The following KLRF2 variants were observed in gnomAD, a reference collection of about 807,000 sequenced individuals.
KLRF2 encodes killer cell lectin like receptor F2, also known as killer cell lectin-like receptor subfamily F member 2.
KLRF2 carries 28 observed loss-of-function variants against 25.3 expected under a neutral mutation model. The observed-to-expected ratio is 1.11, with a 90% CI of 0.82 to 1.52. KLRF2 has a LOEUF of 1.52. KLRF2 is among the 40% of genes most tolerant of loss of function. The probability of loss-of-function intolerance (pLI) is 0.00; values close to 1 mark genes in which losing one functional copy is unlikely to be tolerated. For synonymous variants in KLRF2, 73 were observed against 85.0 expected (o/e 0.86, Z 0.78); for missense variants, 265 against 245.8 (o/e 1.08, Z -0.52).
intron 3 of KLRF2, among the ~76,000 whole-genome samples, chr12:9,889,792 G>A (rs1188260165): frequency 2.0e-5 from 3 of 151,766 alleles, no homozygotes; most frequent in Non-Finnish European, 4.4e-5. Context: ...TAAGAACATA[G>A]GCTATAGAAC....
chr12:9,885,407 T>A (rs540982144), intron 2 of KLRF2, among the ~76,000 whole-genome samples: 1 of 151,942 alleles, frequency 6.6e-6, no homozygotes, highest in East Asian at 1.9e-4. Flanking sequence ...CTTCCTGAAG[T>A]GGTACTTATA....
At chr12:9,892,632 T>G (rs1428870162) in intron 3 of KLRF2, among the ~76,000 whole-genome samples, 1 of 144,108 alleles carries the variant, frequency 6.9e-6, no homozygotes, top group Non-Finnish European at 1.5e-5. Flanking sequence ...TTGCCCAGGC[T>G]GGAGTGTAAT....
intron 3 of KLRF2, 62 bp downstream of exon 3, chr12:9,888,842 C>G (rs933641904): frequency 3.0e-6 from 3 of 996,390 alleles, no homozygotes; most frequent in Admixed American, 2.0e-5. Context: ...TGGCTTCCCT[C>G]TTCCTGGCGT....
chr12:9,891,524 T>C (rs1248877583), intron 3 of KLRF2, among the ~76,000 whole-genome samples: 1 of 152,214 alleles, frequency 6.6e-6, no homozygotes, highest in East Asian at 1.9e-4. Context: ...TTCATCCAAG[T>C]GGCACATTCT....
At chr12:9,894,188 TTTC>T (rs1862727200) in intron 5 of KLRF2, among the ~76,000 whole-genome samples, 1 of 151,028 alleles carries the variant, frequency 6.6e-6, no homozygotes, top group Non-Finnish European at 1.5e-5. Flanking sequence ...TCTTTCTTTC[TTTC>T]TTTTTTTTTC....
At chr12:9,887,195 C>T (rs1040749136) in intron 2 of KLRF2, among the ~76,000 whole-genome samples, 5 of 151,408 alleles carry the variant, frequency 3.3e-5, no homozygotes, top group African/African-American at 1.2e-4. Flanking sequence ...AAAGCAAAAC[C>T]AAAAAACATG....
intron 3 of KLRF2, among the ~76,000 whole-genome samples, chr12:9,892,580 CTT>C (rs66824753): frequency 5.2e-4 from 54 of 104,822 alleles, no homozygotes; most frequent in African/African-American, 1.1e-3. Context: ...TACAGAACTG[CTT>C]TTTTTTTTTT....
intron 3 of KLRF2, among the ~76,000 whole-genome samples, chr12:9,890,055 A>T (rs551043610): frequency 6.6e-6 from 1 of 152,248 alleles, no homozygotes; most frequent in East Asian, 1.9e-4. Flanking sequence ...TACATAATCA[A>T]TATTTTCCAT....
At chr12:9,888,895 G>C in intron 3 of KLRF2, 115 bp downstream of exon 3, 1 of 554,338 alleles carries the variant, frequency 1.8e-6, no homozygotes, top group East Asian at 2.9e-5. Flanking sequence ...GGTGGAGAAA[G>C]GTATGGGGCT....
chr12:9,884,844 A>G, intron 1 of KLRF2, 90 bp from the exon 2 acceptor site: 1 of 428,804 alleles, frequency 2.3e-6, no homozygotes, highest in South Asian at 5.2e-5. Context: ...CATATCTAAA[A>G]TGAACATGAG....
intron 2 of KLRF2, among the ~76,000 whole-genome samples, chr12:9,887,159 G>T (rs1862608132): frequency 6.6e-6 from 1 of 152,130 alleles, no homozygotes; most frequent in South Asian, 2.1e-4. Context: ...AATGAAAAAA[G>T]TAATATAAAC....
At chr12:9,884,880 G>A (rs1241730323) in intron 1 of KLRF2, 54 bp from the exon 2 acceptor site, 1 of 569,528 alleles carries the variant, frequency 1.8e-6, no homozygotes, top group Non-Finnish European at 2.8e-6. Flanking sequence ...AAATGAAACA[G>A]AAAAATATTT....
chr12:9,895,712 A>G lies in KLRF2; in HGVS notation c.503A>G (p.Asp168Gly). The G allele has an allele frequency of 2.0e-6, 3 of 1,534,460 alleles. No homozygotes were observed. Among genetic ancestry groups the G allele is most frequent in the Non-Finnish European group, 2.6e-6 (3 of 1,146,342 alleles). Residue 168 changes from aspartate to glycine, a missense_variant, in exon 6 of 6, where the codon GAT becomes GGT. Asp to Gly is a moderately conservative substitution (Grantham distance 94). Coordinates refer to ENST00000535540, the MANE Select transcript of KLRF2 (RefSeq NM_001190765.1). ...PELFSVIGPT[D>G]DRSCAVITGN... ...AGGTTTTCAGTGATTGGACCAACTG[A>G]TGACAGGAGCTGTGCCGTTATCACA...
chr12:9,891,352 G>T (rs990774893), intron 3 of KLRF2, among the ~76,000 whole-genome samples: 1 of 152,116 alleles, frequency 6.6e-6, no homozygotes, highest in African/African-American at 2.4e-5. Context: ...ACTTAAATCT[G>T]AGTTACCTAC....
chr12:9,886,939 C>T (rs1360167680), intron 2 of KLRF2, among the ~76,000 whole-genome samples: 1 of 151,832 alleles, frequency 6.6e-6, no homozygotes, highest in Non-Finnish European at 1.5e-5. Context: ...CATAGCTTGG[C>T]TATTTCTTGT....
intron 5 of KLRF2, among the ~76,000 whole-genome samples, chr12:9,894,956 A>G (rs1274650934): frequency 6.6e-6 from 1 of 152,178 alleles, no homozygotes; most frequent in Non-Finnish European, 1.5e-5. Flanking sequence ...AACAACACAC[A>G]TGCAGGTGGT....
chr12:9,893,596 T>A (rs1012848103), intron 5 of KLRF2, 55 bp downstream of exon 5: 3 of 610,588 alleles, frequency 4.9e-6, no homozygotes, highest in Non-Finnish European at 8.0e-6. Context: ...TATTTTTATA[T>A]TAAACTTCTT....
chr12:9,893,479 A>G lies in KLRF2; in HGVS notation c.417A>G (p.Leu139=). The G allele has an allele frequency of 2.0e-6, 3 of 1,522,950 alleles. No homozygotes were observed. Among genetic ancestry groups the G allele is most frequent in the Non-Finnish European group, 2.6e-6 (3 of 1,135,732 alleles). 94.3% of individuals were successfully genotyped at this position (1,522,950 alleles called of 1,614,324 possible). ...CTGGACATTTTGGTTGGATTGGACT[A>G]TATGTTACATTCCAAGGGAACCTAT... ...LKPGHFGWIG[L]YVTFQGNLWM... Residue 139 remains leucine, a synonymous_variant, in exon 5 of 6, where the codon CTA becomes CTG. Coordinates refer to ENST00000535540, the MANE Select transcript of KLRF2 (RefSeq NM_001190765.1).
chr12:9,886,579 A>T (rs1862599989), intron 2 of KLRF2, among the ~76,000 whole-genome samples: 1 of 152,170 alleles, frequency 6.6e-6, no homozygotes, highest in South Asian at 2.1e-4. Context: ...ATGGAGGTCT[A>T]AAACAAGGTA....
Sources: allele counts gnomAD v4.1 joint callset (sites outside exome capture counted in the v4.1 genomes callset), GRCh38; gene constraint gnomAD v4.1.1; transcripts MANE v1.5; gene names NCBI Gene and HGNC (gene_info 2026-07-23, HGNC 2026-07-21).